The following KLHL1 variants were observed in gnomAD, a reference collection of about 807,000 sequenced individuals.
KLHL1 encodes kelch like family member 1.
In KLHL1, 47 loss-of-function variants were observed where a neutral mutation model predicts 77.7. The ratio of observed to expected loss-of-function variants is 0.60; its 90% CI spans 0.48 to 0.77. KLHL1 has a LOEUF of 0.77. Among genes scored for constraint, KLHL1 ranks in the 30% least tolerant of loss-of-function variants. The pLI, the probability that KLHL1 is intolerant of heterozygous loss-of-function variation, is 0.00. For missense variants in KLHL1, 925 were observed against 910.8 expected, an observed-to-expected ratio of 1.02 and a Z score of -0.20; for synonymous variants, 360 against 325.2, an observed-to-expected ratio of 1.11 and a Z score of -1.15.
chr13:69,858,990 G>A (rs974860252), intron 5 of KLHL1, among the ~76,000 whole-genome samples: 3 of 151,912 alleles, frequency 2.0e-5, no homozygotes, highest in Non-Finnish European at 2.9e-5. Context: ...TCATATACGT[G>A]TCCATCCAAA....
intron 2 of KLHL1, among the ~76,000 whole-genome samples, chr13:69,969,583 A>T (rs899703666): frequency 6.6e-6 from 1 of 152,150 alleles, no homozygotes; most frequent in African/African-American, 2.4e-5. Flanking sequence ...ATATAGTTGC[A>T]GCAAGGCCAC....
intron 1 of KLHL1, among the ~76,000 whole-genome samples, chr13:70,032,876 G>A (rs1375526597): frequency 1.3e-5 from 2 of 152,090 alleles, no homozygotes; most frequent in African/African-American, 4.8e-5. Context: ...CGTAATTGCA[G>A]TTTTGCCATT....
At chr13:69,903,630 CTTTTTTT>C (rs35761520) in intron 4 of KLHL1, among the ~76,000 whole-genome samples, 54 of 50,194 alleles carry the variant, frequency 1.1e-3, no homozygotes, top group Non-Finnish European at 9.5e-4. Context: ...TGTTCACATT[CTTTTTTT>C]TTTTTTTTTT....
At chr13:69,895,986 G>A (rs1187547506) in intron 4 of KLHL1, among the ~76,000 whole-genome samples, 1 of 152,020 alleles carries the variant, frequency 6.6e-6, no homozygotes, top group Non-Finnish European at 1.5e-5. Context: ...GGGATTACAG[G>A]CATGAGCCAC....
chr13:70,061,445 A>C (rs1886882980), intron 1 of KLHL1, among the ~76,000 whole-genome samples: 1 of 151,984 alleles, frequency 6.6e-6, no homozygotes, highest in Non-Finnish European at 1.5e-5. Context: ...ATACATAAAC[A>C]GTATATTAAT....
intron 1 of KLHL1, among the ~76,000 whole-genome samples, chr13:70,038,463 T>C (rs532057452): frequency 3.4e-4 from 52 of 152,200 alleles, no homozygotes; most frequent in Non-Finnish European, 6.8e-4. Context: ...TATTTACTAA[T>C]TTTTTAAGAA....
chr13:69,809,212 T>C (rs1471700345), intron 6 of KLHL1, among the ~76,000 whole-genome samples: 1 of 151,980 alleles, frequency 6.6e-6, no homozygotes, highest in Non-Finnish European at 1.5e-5. Flanking sequence ...TCCAGAGAAC[T>C]CCTGCGAGAT....
At chr13:69,870,513 C>T (rs1421217416) in intron 5 of KLHL1, among the ~76,000 whole-genome samples, 2 of 152,022 alleles carry the variant, frequency 1.3e-5, no homozygotes, top group East Asian at 3.9e-4. Context: ...TTTTCACATA[C>T]AAAATATCAT....
intron 1 of KLHL1, among the ~76,000 whole-genome samples, chr13:70,008,277 C>T (rs1885451453): frequency 6.6e-6 from 1 of 151,876 alleles, no homozygotes; most frequent in Non-Finnish European, 1.5e-5. Context: ...TTCTCTGATC[C>T]ACAGAGAATA....
chr13:69,877,486 T>A (rs1335570799), intron 5 of KLHL1, among the ~76,000 whole-genome samples: 3 of 151,842 alleles, frequency 2.0e-5, no homozygotes, highest in African/African-American at 7.3e-5. Context: ...TTTTTTTCAG[T>A]CATTCTCTAA....
In KLHL1 at chr13:69,940,156, C is replaced by T. The variant is rs779688548; in HGVS notation, c.898G>A (p.Val300Met). ...CLLQLPQVVE[V>M]CCHFLMKLLH... ...AGCTTCATGAGGAAGTGGCAGCACA[C>T]TTCCACCACCTGTGGAAGCTGAAGA... Residue 300 changes from valine to methionine, a missense_variant, in exon 4 of 11, where the codon GTG (valine) becomes ATG (methionine). Physicochemically the swap from Val to Met is conservative, Grantham distance 21 (BLOSUM62 1). Coordinates refer to ENST00000377844, the MANE Select transcript of KLHL1 (RefSeq NM_020866.3). 1 of 1,612,764 alleles carries T rather than the reference C, an allele frequency of 6.2e-7. No individual in the cohort carries two copies. Among genetic ancestry groups the T allele is most frequent in the Non-Finnish European group, 8.5e-7 (1 of 1,179,500 alleles).
At chr13:69,751,464 G>A (rs1048742473) in intron 7 of KLHL1, among the ~76,000 whole-genome samples, 1 of 152,030 alleles carries the variant, frequency 6.6e-6, no homozygotes. Flanking sequence ...TGATGACTGA[G>A]CTAATATCTG....
chr13:69,751,112 ATGTG>A (rs56689981), intron 7 of KLHL1, among the ~76,000 whole-genome samples: 36,404 of 140,986 alleles, frequency 0.26, 4,463 homozygotes, highest in South Asian at 0.3. Flanking sequence ...TCATGTGTGT[ATGTG>A]TGTGTGTGTG....
intron 3 of KLHL1, among the ~76,000 whole-genome samples, chr13:69,943,913 T>C (rs1399465436): frequency 6.6e-6 from 1 of 152,334 alleles, no homozygotes; most frequent in Middle Eastern, 3.4e-3. Context: ...GCATGGTTTC[T>C]ATTGACTTCA....
chr13:69,940,350 G>T, intron 3 of KLHL1, 114 bp from the exon 4 acceptor site: 5 of 676,850 alleles, frequency 7.4e-6, no homozygotes, highest in South Asian at 3.2e-5. Flanking sequence ...AACTGAGATT[G>T]GTAATCAAGA....
intron 1 of KLHL1, among the ~76,000 whole-genome samples, chr13:70,082,201 A>G (rs1282834911): frequency 3.3e-5 from 5 of 151,970 alleles, no homozygotes; most frequent in Non-Finnish European, 5.9e-5. Context: ...CCAATTGAAC[A>G]TCTTTTCTTT....
Position 69,739,260 on chromosome 13 carries a change from T to C in KLHL1, c.1802+1134A>G, listed in dbSNP as rs530769175. On this transcript the variant is annotated intron_variant, in intron 8 of 10. Coordinates refer to ENST00000377844, the MANE Select transcript of KLHL1 (RefSeq NM_020866.3). Reference sequence around the variant, plus strand: ...AAGAGCTCCTGAAGGAAGCACTAAATATGAAAAGGACGAATTGTTACCAGC... The same window carrying C: ...AAGAGCTCCTGAAGGAAGCACTAAACATGAAAAGGACGAATTGTTACCAGC... Among the ~76,000 whole-genome samples the C allele has an allele frequency of 3.9e-5, 6 of 152,240 alleles. No homozygotes were observed. In the South Asian group the frequency reaches 8.3e-4, roughly 21 times the overall value.
intron 1 of KLHL1, among the ~76,000 whole-genome samples, chr13:70,030,071 C>T (rs909826128): frequency 6.6e-6 from 1 of 152,180 alleles, no homozygotes; most frequent in African/African-American, 2.4e-5. Flanking sequence ...TCACCCAATA[C>T]AGGATCATAC....
At chr13:69,938,035 A>G (rs1355818159) in intron 4 of KLHL1, among the ~76,000 whole-genome samples, 1 of 152,056 alleles carries the variant, frequency 6.6e-6, no homozygotes, top group African/African-American at 2.4e-5. Context: ...AAGGAGAAAA[A>G]AAAACACACA....
Sources: gnomAD v4.1 joint callset for allele counts (sites outside exome capture counted in the v4.1 genomes callset) on GRCh38, gnomAD v4.1.1 for gene constraint, MANE v1.5 for transcripts, NCBI Gene and HGNC (gene_info 2026-07-23, HGNC 2026-07-21) for gene names.